AGAP1: variants seen among roughly 807,000 people sequenced by gnomAD.
The protein encoded by AGAP1 is ArfGAP with GTPase domain, ankyrin repeat and PH domain 1.
In AGAP1, 29 loss-of-function variants were observed where a neutral mutation model predicts 105.3. The ratio of observed to expected loss-of-function variants is 0.28; its 90% CI spans 0.21 to 0.38. The LOEUF (loss-of-function observed/expected upper bound fraction) is 0.38. Among genes scored for constraint, AGAP1 ranks in the 10% least tolerant of loss-of-function variants. The probability of loss-of-function intolerance (pLI) is 1.00; values close to 1 mark genes in which losing one functional copy is unlikely to be tolerated. For synonymous variants in AGAP1, 509 were observed against 485.9 expected, an observed-to-expected ratio of 1.05 and a Z score of -0.63; for missense variants, 998 against 1,165.1, an observed-to-expected ratio of 0.86 and a Z score of 2.09.
At chr2:236,015,271 G>A (rs965665333) in intron 13 of AGAP1, among the ~76,000 whole-genome samples, 31 of 152,126 alleles carry the variant, frequency 2.0e-4, no homozygotes, top group Non-Finnish European at 4.1e-4. Context: ...AAATACAATA[G>A]TGTGCCGTGA....
In AGAP1 at chr2:235,970,240, T is replaced by TGG. The variant is rs2054586164; in HGVS notation, c.1645+1617_1645+1618insGG. On this transcript the variant is annotated intron_variant, in intron 13 of 17. Coordinates refer to ENST00000304032, the MANE Select transcript of AGAP1 (RefSeq NM_001037131.3). The surrounding 1 kb of genome is among the most constrained non-coding windows in gnomAD (Gnocchi z 5.4). ...AAAAAAAAAAAAAAGACGATTTTTC[T>TGG]CATGTTGTGGGGAGTGAGGATAATC... 3.4e-5 allele frequency among the ~76,000 whole-genome samples: 5 copies of TGG among 149,084 alleles called. No individual in the cohort carries two copies. Among genetic ancestry groups the TGG allele is most frequent in the Non-Finnish European group, 1.5e-5 (1 of 67,524 alleles).
In AGAP1 at chr2:236,113,260, C is replaced by A. The variant is rs549006883; in HGVS notation, c.2115-6932C>A. Among the ~76,000 whole-genome samples the A allele has an allele frequency of 1.6e-5, 2 of 123,780 alleles. No individual in the cohort carries two copies. Among genetic ancestry groups the A allele is most frequent in the African/African-American group, 3.0e-5 (1 of 33,714 alleles). The allele number at this position is 123,780 out of a possible 152,430, so 81.2% of individuals were successfully genotyped here. ...GGTTCAAGCAATTCTCTGCCTCAGC[C>A]CCCCCGAGTAGCTGGGATTACAGGC... On this transcript the variant is annotated intron_variant, in intron 16 of 17. Coordinates refer to ENST00000304032, the MANE Select transcript of AGAP1 (RefSeq NM_001037131.3). This position sits in a 1 kb window ranked among gnomAD's most constrained non-coding sequence, Gnocchi z 4.3.
intron 16 of AGAP1, among the ~76,000 whole-genome samples, chr2:236,084,917 A>G (rs2058884669): frequency 1.3e-5 from 2 of 149,772 alleles, no homozygotes; most frequent in Non-Finnish European, 3.0e-5. Flanking sequence ...AAAATAAAAT[A>G]AAATAAGATT....
chr2:235,983,220 C>T lies in AGAP1; in HGVS notation c.1645+14597C>T, dbSNP rs1478051414. Among the ~76,000 whole-genome samples, 1 of 151,990 alleles carries T rather than the reference C, an allele frequency of 6.6e-6. No individual in the cohort carries two copies. The highest frequency in any genetic ancestry group is 2.4e-5 in the African/African-American group (1 of 41,390). On this transcript the variant is annotated intron_variant, in intron 13 of 17. Coordinates refer to ENST00000304032, the MANE Select transcript of AGAP1 (RefSeq NM_001037131.3). The surrounding 1 kb of genome is among the most constrained non-coding windows in gnomAD (Gnocchi z 4.5). ...CCAGCAAGGGGAGCTGCAGGAGGGT[C>T]TCTTTACAGGTGTGCAAAGGACCAG...
At position 235,900,292 on chromosome 2, in the gene AGAP1, C is replaced by G. The variant is rs2051005219; in HGVS notation, c.1156-8446C>G. On this transcript the variant is annotated intron_variant, in intron 10 of 17. Coordinates refer to ENST00000304032, the MANE Select transcript of AGAP1 (RefSeq NM_001037131.3). This position sits in a 1 kb window ranked among gnomAD's most constrained non-coding sequence, Gnocchi z 5.5. ...TGATAGTCTGGGTCAGTCACTCCAG[C>G]CAACACTGTAACTTCCTTCTTAGCC... Among the ~76,000 whole-genome samples, 1 of 152,084 alleles carries G rather than the reference C, an allele frequency of 6.6e-6. No homozygotes were observed. The highest frequency in any genetic ancestry group is 1.5e-5 in the Non-Finnish European group (1 of 68,026).
chr2:235,809,385 G>A (rs570352280), intron 9 of AGAP1, among the ~76,000 whole-genome samples: 160 of 152,258 alleles, frequency 1.1e-3, no homozygotes, highest in Admixed American at 5.2e-3. Context: ...CCTGGGCACA[G>A]GGAGCTCCTT....
Position 235,562,521 on chromosome 2 carries a change from C to A in AGAP1, c.163+67672C>A, listed in dbSNP as rs187581847. ...TCAACTCGCCAAGGTGCCTCCCCAG[C>A]CCCAGCAGTCCGGCTTCTCTCCTTT... On this transcript the variant is annotated intron_variant, in intron 1 of 17. Transcript: ENST00000304032. Among the ~76,000 whole-genome samples the A allele has an allele frequency of 1.7e-3, 257 of 152,040 alleles. 1 individual carries two copies. Among genetic ancestry groups the A allele is most frequent in the Non-Finnish European group, 3.4e-3 (229 of 68,000 alleles).
intron 16 of AGAP1, among the ~76,000 whole-genome samples, chr2:236,107,313 C>A (rs976233434): frequency 2.0e-5 from 3 of 152,218 alleles, no homozygotes; most frequent in Admixed American, 2.0e-4. Flanking sequence ...CTTGGCACAT[C>A]TAGACACCAA....
In AGAP1 at chr2:236,120,115, G is replaced by T; in HGVS notation, c.2115-77G>T. 9 of 1,537,928 alleles carry T rather than the reference G, an allele frequency of 5.9e-6. No homozygotes were observed. The East Asian group carries it at 1.6e-4, about 27-fold the overall frequency. The stretch of plus-strand genomic sequence containing the variant: ...TTTCACTTCCCTCTCGGCTTCTCCC[G>T]ACCACACTGGGCAGGGGCTGGCAGC... On this transcript the variant is annotated intron_variant, in intron 16 of 17. Transcript: ENST00000304032. This position sits in a 1 kb window ranked among gnomAD's most constrained non-coding sequence, Gnocchi z 6.0.
rs1382724403 is a variant in AGAP1 at position 235,625,543 on chromosome 2, T to C, written c.164-83636T>C. Among the ~76,000 whole-genome samples the C allele has an allele frequency of 6.6e-6, 1 of 152,218 alleles. No homozygotes were observed. Among genetic ancestry groups the C allele is most frequent in the East Asian group, 1.9e-4 (1 of 5,200 alleles). On this transcript the variant is annotated intron_variant, in intron 1 of 17. Transcript: ENST00000304032. This position sits in a 1 kb window ranked among gnomAD's most constrained non-coding sequence, Gnocchi z 4.0. ...TTACCAACCCAATGAGATTGCTGAT[T>C]TTGCAAGTACAAGTCACCAGATTTT...
Position 235,864,931 on chromosome 2 carries a change from C to T in AGAP1, c.1051-18414C>T, listed in dbSNP as rs1156468983. Among the ~76,000 whole-genome samples, 1 of 152,128 alleles carries T rather than the reference C, an allele frequency of 6.6e-6. No individual in the cohort carries two copies. Among genetic ancestry groups the T allele is most frequent in the Non-Finnish European group, 1.5e-5 (1 of 68,038 alleles). On this transcript the variant is annotated intron_variant, in intron 9 of 17. Coordinates refer to ENST00000304032, the MANE Select transcript of AGAP1 (RefSeq NM_001037131.3). This position sits in a 1 kb window ranked among gnomAD's most constrained non-coding sequence, Gnocchi z 5.0. ...CTAGCCAGACCTAATGTGAACCATA[C>T]ATCTCGTCGGCATTACTCATCGTCA...
At position 235,930,663 on chromosome 2, in the gene AGAP1, A is replaced by G. The variant is rs1249647834; in HGVS notation, c.1325-102A>G. 1.3e-5 allele frequency: 14 copies of G among 1,091,672 alleles called. No homozygotes were observed. The highest frequency in any genetic ancestry group is 1.6e-5 in the Non-Finnish European group (13 of 795,154). 67.6% of individuals were successfully genotyped at this position (1,091,672 alleles called of 1,614,324 possible). On this transcript the variant is annotated intron_variant, in intron 11 of 17. Coordinates refer to ENST00000304032, the MANE Select transcript of AGAP1 (RefSeq NM_001037131.3). The surrounding 1 kb of genome is among the most constrained non-coding windows in gnomAD (Gnocchi z 7.9). ...CAGGACAGGGGCTGCTCTCGGTGGTAAGGTGCACTATGTGCCAGCGTGTGG... is the reference window on the plus strand; with the variant it reads ...CAGGACAGGGGCTGCTCTCGGTGGTGAGGTGCACTATGTGCCAGCGTGTGG...
At chr2:235,524,308 T>A (rs1263043036) in intron 1 of AGAP1, 1 of 168,910 alleles carries the variant, frequency 5.9e-6, no homozygotes, top group African/African-American at 2.4e-5. Context: ...GATGTAACTT[T>A]TAGTCCTGCC....
intron 13 of AGAP1, among the ~76,000 whole-genome samples, chr2:236,015,633 C>T (rs1469015605): frequency 1.3e-5 from 2 of 152,068 alleles, no homozygotes; most frequent in African/African-American, 4.8e-5. Context: ...CACCATCAGC[C>T]CAAGCGCACA....
intron 1 of AGAP1, among the ~76,000 whole-genome samples, chr2:235,498,757 G>C (rs1314268847): frequency 4.6e-5 from 7 of 152,190 alleles, no homozygotes; most frequent in Non-Finnish European, 7.3e-5. Flanking sequence ...CGGGAAGGTT[G>C]GCCTTCCTCT....
rs561842515 is a variant in AGAP1, at chr2:236,103,931, G to A, written c.2115-16261G>A. Reference sequence around the variant, plus strand: ...CTCCTGTCCCCACCCTGCCCTGTGCGTTTACCAAGGGCTGACCCAGGCATT... The same window carrying A: ...CTCCTGTCCCCACCCTGCCCTGTGCATTTACCAAGGGCTGACCCAGGCATT... On this transcript the variant is annotated intron_variant, in intron 16 of 17. Transcript: ENST00000304032. 3.9e-5 allele frequency among the ~76,000 whole-genome samples: 6 copies of A among 152,334 alleles called. 1 individual carries two copies. The South Asian group carries it at 6.2e-4, about 16-fold the overall frequency.
At chr2:235,851,994 A>G (rs1454813243) in intron 9 of AGAP1, among the ~76,000 whole-genome samples, 2 of 152,224 alleles carry the variant, frequency 1.3e-5, no homozygotes. Flanking sequence ...AAAGAGATTA[A>G]CAACCTCCGC....
chr2:235,846,599 A>G (rs1184546818), intron 9 of AGAP1, among the ~76,000 whole-genome samples: 3 of 151,560 alleles, frequency 2.0e-5, no homozygotes, highest in Admixed American at 6.6e-5. Flanking sequence ...TAAAAGTACT[A>G]GTATTACAGG....
In AGAP1 at chr2:235,970,181, G is replaced by T. The variant is rs1340012919; in HGVS notation, c.1645+1558G>T. On this transcript the variant is annotated intron_variant, in intron 13 of 17. Transcript: ENST00000304032. The surrounding 1 kb of genome is among the most constrained non-coding windows in gnomAD (Gnocchi z 5.4). ...CATGCCACTGCACTCCAGCCTGGGC[G>T]GGCGACAGAGTGAGACTCTGTCTTT... Among the ~76,000 whole-genome samples, 1 of 149,396 alleles carries T rather than the reference G, an allele frequency of 6.7e-6. No individual in the cohort carries two copies. Among genetic ancestry groups the T allele is most frequent in the African/African-American group, 2.5e-5 (1 of 40,390 alleles).
Sources: allele counts gnomAD v4.1 joint callset (sites outside exome capture counted in the v4.1 genomes callset), GRCh38; gene constraint gnomAD v4.1.1; non-coding constraint Gnocchi (gnomAD v3.1); transcripts MANE v1.5; gene names NCBI Gene and HGNC (gene_info 2026-07-23, HGNC 2026-07-21).